The following CFAP74 variants were observed in gnomAD, a reference collection of about 807,000 sequenced individuals.
The protein encoded by CFAP74 is cilia and flagella associated protein 74.
Under a neutral mutation model 188.9 loss-of-function variants are expected in CFAP74, and 124 were observed. The observed-to-expected ratio is 0.66, with a 90% CI of 0.57 to 0.76. The LOEUF (loss-of-function observed/expected upper bound fraction) is 0.76, where lower values mean the gene tolerates loss of function less well. Ranked by LOEUF, CFAP74 falls within the 30% of genes least tolerant of loss-of-function variation. The pLI is 0.00. For missense variants in CFAP74, 2,198 were observed against 2,165.2 expected (o/e 1.02, Z -0.30); for synonymous variants, 956 against 916.7 (o/e 1.04, Z -0.77).
chr1:1,948,077 C>T lies in CFAP74; in HGVS notation c.2177-1023G>A, dbSNP rs370867989. On this transcript the variant is annotated intron_variant, in intron 18 of 38. Coordinates refer to ENST00000682832, the MANE Select transcript of CFAP74 (RefSeq NM_001304360.2). The stretch of plus-strand genomic sequence containing the variant: ...TAGTAGAGACGGGGTTTCACCATAT[C>T]GGCCAGACTGGTCTCGAACTCCTGA... Among the ~76,000 whole-genome samples, 232 of 152,138 alleles carry T rather than the reference C, an allele frequency of 1.5e-3. 1 individual carries two copies. The highest frequency in any genetic ancestry group is 4.7e-3 in the African/African-American group (195 of 41,516).
chr1:1,940,349 C>T lies in CFAP74; in HGVS notation c.2670G>A (p.Leu890=). 1 of 1,535,810 alleles carries T rather than the reference C, an allele frequency of 6.5e-7. No individual in the cohort carries two copies. Among genetic ancestry groups the T allele is most frequent in the Non-Finnish European group, 8.7e-7 (1 of 1,146,726 alleles). Residue 890 remains leucine, a synonymous_variant, in exon 23 of 39, where the codon CTG becomes CTA. Transcript: ENST00000682832. ...GRYFDKETRV[L]EAPMTIWVAD... ...CAACCCATATGGTCATCGGGGCCTC[C>T]AGGACTCGGGTCTCCTTGTCAAAAT...
chr1:1,986,836 C>T (rs534741820), intron 5 of CFAP74, 101 bp downstream of exon 5: 236 of 975,534 alleles, frequency 2.4e-4, no homozygotes, highest in Middle Eastern at 1.6e-3. Context: ...CCTCATTGGC[C>T]TGAACACAGC....
At chr1:1,965,489 G>A (rs1317134994) in intron 12 of CFAP74, among the ~76,000 whole-genome samples, 4 of 152,178 alleles carry the variant, frequency 2.6e-5, no homozygotes. Flanking sequence ...CAGATGAAAA[G>A]CCGCTTCCCT....
chr1:1,965,946 G>A (rs1655435625), intron 12 of CFAP74, among the ~76,000 whole-genome samples: 1 of 152,244 alleles, frequency 6.6e-6, no homozygotes, highest in Non-Finnish European at 1.5e-5. Context: ...GAGGCAGAAG[G>A]ACCCCAGCGC....
In CFAP74 at chr1:1,923,926, G is replaced by A. The variant is rs141875534; in HGVS notation, c.4238C>T (p.Thr1413Met). The A allele has an allele frequency of 7.8e-4, 1,255 of 1,608,266 alleles. 1 individual carries two copies. Among genetic ancestry groups the A allele is most frequent in the Non-Finnish European group, 9.1e-4 (1,068 of 1,177,120 alleles). Reference sequence around the variant, plus strand: ...CACGCTCTGACCGTTGAGATTCTGCGTCCCTGCGGGTAGGGTGGGGTGCAG... The same window carrying A: ...CACGCTCTGACCGTTGAGATTCTGCATCCCTGCGGGTAGGGTGGGGTGCAG... ...SPSQRTEVVG[T>M]QNLNGQSVFS... The change falls in exon 35 of 39, where the codon ACG (threonine) becomes ATG (methionine). Residue 1413 changes from threonine (T) to methionine (M), a missense_variant. Transcript: ENST00000682832. This position sits in a 1 kb window ranked among gnomAD's most constrained non-coding sequence, Gnocchi z 6.3.
In CFAP74 at chr1:1,938,763, T is replaced by A. The variant is rs1453928095; in HGVS notation, c.3011+92A>T. On this transcript the variant is annotated intron_variant, in intron 25 of 38. Transcript: ENST00000682832. Reference sequence around the variant, plus strand: ...CCTGTGGTCAGCCAGGCAGATGGGGTCAGGGGCGGGGATGTGGTGGAGCTG... The same window carrying A: ...CCTGTGGTCAGCCAGGCAGATGGGGACAGGGGCGGGGATGTGGTGGAGCTG... 25 of 1,413,374 alleles carry A rather than the reference T, an allele frequency of 1.8e-5. No homozygotes were observed. In the Middle Eastern group the frequency reaches 6.3e-4, roughly 36 times the overall value. 87.6% of individuals were successfully genotyped at this position (1,413,374 alleles called of 1,614,324 possible). A position where few individuals can be genotyped will look rare whatever the true frequency, so the allele number is the denominator to read the frequency against.
At chr1:1,930,630 C>T (rs1652299141) in intron 25 of CFAP74, among the ~76,000 whole-genome samples, 1 of 152,160 alleles carries the variant, frequency 6.6e-6, no homozygotes, top group South Asian at 2.1e-4. Flanking sequence ...TACGACAGCT[C>T]ACTGTAGCCT....
At chr1:1,941,633 C>G (rs915468242) in intron 22 of CFAP74, among the ~76,000 whole-genome samples, 2 of 152,148 alleles carry the variant, frequency 1.3e-5, no homozygotes, top group African/African-American at 4.8e-5. Flanking sequence ...GGGGAGTGCA[C>G]GGACCGCAGG....
chr1:1,962,656 A>G (rs1044305948), intron 14 of CFAP74, among the ~76,000 whole-genome samples: 2 of 152,080 alleles, frequency 1.3e-5, no homozygotes, highest in Non-Finnish European at 2.9e-5. Flanking sequence ...AGGCTGAGGC[A>G]GGTGGATCAC....
intron 37 of CFAP74, 92 bp downstream of exon 37, chr1:1,922,893 A>G (rs1651496495): frequency 6.7e-7 from 1 of 1,494,584 alleles, no homozygotes; most frequent in African/African-American, 1.4e-5. Flanking sequence ...GGACAAGCCC[A>G]GTGAGGGGCA....
chr1:1,973,051 T>C lies in CFAP74; in HGVS notation c.675-4A>G. On this transcript the variant is annotated splice_polypyrimidine_tract_variant and splice_region_variant and intron_variant, in intron 7 of 38. Transcript: ENST00000682832. This position sits in a 1 kb window ranked among gnomAD's most constrained non-coding sequence, Gnocchi z 6.2. ...CTTCTGGGTGTTCAGGGACTTCCTG[T>C]GGGGATATGGGGCCGTCAGAGGGAA... 1.2e-6 allele frequency: 2 copies of C among 1,606,246 alleles called. No homozygotes were observed. Among genetic ancestry groups the C allele is most frequent in the Non-Finnish European group, 1.7e-6 (2 of 1,173,640 alleles).
Position 1,923,567 on chromosome 1 carries a change from G to A in CFAP74, c.4390-68C>T. On this transcript the variant is annotated intron_variant, in intron 35 of 38. Coordinates refer to ENST00000682832, the MANE Select transcript of CFAP74 (RefSeq NM_001304360.2). The surrounding 1 kb of genome is among the most constrained non-coding windows in gnomAD (Gnocchi z 6.3). ...GGCAGGGGTCCTGCTGGTGAGAGCT[G>A]GGCTGGCTCAGGGAAGGAAGCAGGG... is the stretch of plus-strand genomic sequence containing the variant. 47 of 1,577,022 alleles carry A rather than the reference G, an allele frequency of 3.0e-5. 1 individual carries two copies. In the South Asian group the frequency reaches 5.2e-4, roughly 18 times the overall value.
intron 25 of CFAP74, among the ~76,000 whole-genome samples, chr1:1,934,305 C>T (rs1286164491): frequency 1.3e-4 from 19 of 141,316 alleles, no homozygotes; most frequent in African/African-American, 4.2e-4. Flanking sequence ...TGTAGGTACA[C>T]AGGTGTACAC....
Position 1,942,253 on chromosome 1 carries a change from C to T in CFAP74, c.2487-97G>A, listed in dbSNP as rs1653432155. ...TATTAAAACATTTCTGGCACCCAAG[C>T]CCCCGAGAGGTGCTCAGAGCCCACC... On this transcript the variant is annotated intron_variant, in intron 21 of 38. Transcript: ENST00000682832. This position sits in a 1 kb window ranked among gnomAD's most constrained non-coding sequence, Gnocchi z 4.3. 7.8e-7 allele frequency: 1 copy of T among 1,282,618 alleles called. No individual in the cohort carries two copies. The highest frequency in any genetic ancestry group is 3.4e-5 in the Admixed American group (1 of 29,710). 79.5% of individuals were successfully genotyped at this position (1,282,618 alleles called of 1,614,324 possible). A position where few individuals can be genotyped will look rare whatever the true frequency, so the allele number is the denominator to read the frequency against.
At chr1:1,993,184 G>A (rs1344811131) in intron 1 of CFAP74, among the ~76,000 whole-genome samples, 1 of 136,660 alleles carries the variant, frequency 7.3e-6, no homozygotes, top group East Asian at 2.1e-4. Context: ...CTGGGCGACA[G>A]GGGAAGACTG....
chr1:1,982,571 TG>T (rs1656970823), intron 6 of CFAP74, among the ~76,000 whole-genome samples: 1 of 152,206 alleles, frequency 6.6e-6, no homozygotes, highest in South Asian at 2.1e-4. Context: ...CCTGGTGGGG[TG>T]GGGCTACCCA....
Position 1,934,940 on chromosome 1 carries a change from T to TG in CFAP74, c.3011+3914_3011+3915insC, listed in dbSNP as rs1330547793. Among the ~76,000 whole-genome samples, 294 of 89,876 alleles carry TG rather than the reference T, an allele frequency of 3.3e-3. 77 individuals carry two copies. Among genetic ancestry groups the TG allele is most frequent in the Non-Finnish European group, 4.1e-3 (176 of 42,554 alleles). 59.0% of individuals were successfully genotyped at this position (89,876 alleles called of 152,430 possible). A position where few individuals can be genotyped will look rare whatever the true frequency, so the allele number is the denominator to read the frequency against. The stretch of plus-strand genomic sequence containing the variant: ...GTTAGGTTGTAGGTACACAGGTGTG[T>TG]ACGTGGGTGTTAGGTTGTAGGTACA... On this transcript the variant is annotated intron_variant, in intron 25 of 38. Coordinates refer to ENST00000682832, the MANE Select transcript of CFAP74 (RefSeq NM_001304360.2).
Position 1,946,342 on chromosome 1 carries a change from G to A in CFAP74, c.2339C>T (p.Thr780Met), listed in dbSNP as rs758493710. The change falls in exon 20 of 39, where the codon ACG (threonine) becomes ATG (methionine). Residue 780 changes from threonine (T) to methionine (M), a missense_variant. Physicochemically the swap from Thr to Met is moderately conservative, Grantham distance 81. Transcript: ENST00000682832. ...PGDVQARFKV[T>M]FKNPQCPTLH... ...CGTGGGGCACTGGGGGTTCTTAAAC[G>A]TGACTTTGAACCTGGCTTGGACGTC... is the stretch of plus-strand genomic sequence containing the variant. 5.9e-6 allele frequency: 9 copies of A among 1,536,486 alleles called. No individual in the cohort carries two copies. The highest frequency in any genetic ancestry group is 3.6e-5 in the South Asian group (3 of 84,058).
intron 2 of CFAP74, 22 bp from the exon 3 acceptor site, chr1:1,988,995 T>A (rs1342616850): frequency 7.6e-5 from 70 of 916,390 alleles, no homozygotes; most frequent in East Asian, 4.0e-4. Context: ...GGCAAGAGTT[T>A]AAAAAAAAAA....
Sources: allele counts gnomAD v4.1 joint callset (sites outside exome capture counted in the v4.1 genomes callset), GRCh38; gene constraint gnomAD v4.1.1; non-coding constraint Gnocchi (gnomAD v3.1); transcripts MANE v1.5; gene names NCBI Gene and HGNC (gene_info 2026-07-23, HGNC 2026-07-21).